The following NPHP4 variants were observed in gnomAD, a reference collection of about 807,000 sequenced individuals.
The protein encoded by NPHP4 is nephrocystin 4.
Under a neutral mutation model 155.8 loss-of-function variants are expected in NPHP4, and 151 were observed. The observed-to-expected ratio is 0.97, with a 90% CI of 0.85 to 1.11. NPHP4 has a LOEUF of 1.11. NPHP4 is among the 50% of genes least tolerant of loss of function. The probability of loss-of-function intolerance (pLI) is 0.00; values close to 1 mark genes in which losing one functional copy is unlikely to be tolerated. For synonymous variants in NPHP4, 845 were observed against 816.8 expected, an observed-to-expected ratio of 1.03 and a Z score of -0.59; for missense variants, 1,956 against 1,925.7, an observed-to-expected ratio of 1.02 and a Z score of -0.29.
intron 3 of NPHP4, among the ~76,000 whole-genome samples, chr1:5,970,001 C>T (rs1652272632): frequency 6.6e-6 from 1 of 152,148 alleles, no homozygotes; most frequent in African/African-American, 2.4e-5. Context: ...AGGTTTTCCA[C>T]TCACACCTTC....
At position 5,967,194 on chromosome 1, in the gene NPHP4, A is replaced by AT. The variant is rs1651679492; in HGVS notation, c.517+104dup. 4.5e-5 allele frequency: 39 copies of AT among 867,754 alleles called. No homozygotes were observed. In the South Asian group the frequency reaches 5.6e-4, roughly 13 times the overall value. The allele number at this position is 867,754 out of a possible 1,614,324, so 53.8% of individuals were successfully genotyped here. On this transcript the variant is annotated intron_variant, in intron 5 of 29. Coordinates refer to ENST00000378156, the MANE Select transcript of NPHP4 (RefSeq NM_015102.5). Reference sequence around the variant, plus strand: ...CCTCTTAGATAAATTAGCTAAGCAGATAGCAGTTTACACTGAGAAAGATCC... The same window carrying AT: ...CCTCTTAGATAAATTAGCTAAGCAGATTAGCAGTTTACACTGAGAAAGATCC...
At chr1:5,900,172 C>T (rs1644599452) in intron 16 of NPHP4, among the ~76,000 whole-genome samples, 1 of 152,222 alleles carries the variant, frequency 6.6e-6, no homozygotes, top group African/African-American at 2.4e-5. Flanking sequence ...CAAAACTAAA[C>T]ATACTCTTAC....
In NPHP4 at chr1:5,867,735, C is replaced by T. The variant is rs1402845865; in HGVS notation, c.3472+5G>A. 1 of 1,608,566 alleles carries T rather than the reference C, an allele frequency of 6.2e-7. No homozygotes were observed. The highest frequency in any genetic ancestry group is 1.3e-5 in the African/African-American group (1 of 74,928). On this transcript the variant is annotated splice_donor_5th_base_variant and intron_variant, in intron 24 of 29. Transcript: ENST00000378156. The surrounding 1 kb of genome is among the most constrained non-coding windows in gnomAD (Gnocchi z 4.1). ...TGTGGGCTGCAGGGTCAGTGCAGGA[C>T]CTGCCTGGAAATGTGTGCCAGGGCG... is the stretch of plus-strand genomic sequence containing the variant.
intron 4 of NPHP4, among the ~76,000 whole-genome samples, 166 bp from the exon 5 acceptor site, chr1:5,967,529 A>G (rs1322985684): frequency 2.0e-5 from 3 of 152,234 alleles, no homozygotes; most frequent in Admixed American, 1.3e-4. Flanking sequence ...CAGCTCCCCA[A>G]GCCGTTGGTG....
intron 1 of NPHP4, among the ~76,000 whole-genome samples, chr1:5,987,460 G>A (rs1449558416): frequency 1.3e-5 from 2 of 152,050 alleles, no homozygotes; most frequent in Non-Finnish European, 2.9e-5. Context: ...TCACCATGGT[G>A]GCATGGTGGG....
chr1:5,983,482 G>A (rs1360172610), intron 2 of NPHP4, among the ~76,000 whole-genome samples: 1 of 152,182 alleles, frequency 6.6e-6, no homozygotes, highest in African/African-American at 2.4e-5. Context: ...CACGTGTGTT[G>A]TTACAATTCA....
At chr1:5,922,400 ATT>A in intron 11 of NPHP4, among the ~76,000 whole-genome samples, 1 of 152,308 alleles carries the variant, frequency 6.6e-6, no homozygotes, top group East Asian at 1.9e-4. Context: ...CACACTTTAT[ATT>A]TTGTCCCATT....
intron 4 of NPHP4, 83 bp downstream of exon 4, chr1:5,969,004 T>C (rs1652048997): frequency 3.2e-6 from 3 of 950,496 alleles, no homozygotes; most frequent in Admixed American, 2.4e-5. Flanking sequence ...TCTAGCCTGG[T>C]TGACAGAGTG....
intron 6 of NPHP4, among the ~76,000 whole-genome samples, chr1:5,959,075 C>CTA (rs1649817284): frequency 6.6e-6 from 1 of 151,952 alleles, no homozygotes; most frequent in African/African-American, 2.4e-5. Flanking sequence ...GCTGAGATAC[C>CTA]TATCCTTTCT....
In NPHP4 at chr1:5,875,671, G is replaced by A. The variant is rs747150292; in HGVS notation, c.2818-571C>T. 2.5e-4 allele frequency among the ~76,000 whole-genome samples: 38 copies of A among 152,252 alleles called. 1 individual carries two copies. Among genetic ancestry groups the A allele is most frequent in the Non-Finnish European group, 4.1e-4 (28 of 68,048 alleles). On this transcript the variant is annotated intron_variant, in intron 20 of 29. Transcript: ENST00000378156. The stretch of plus-strand genomic sequence containing the variant: ...CCAGCACACATGGGTTCTACAGGTT[G>A]GAGACTGGCCTGTTTTTCCTGTGGG...
At chr1:5,952,415 A>G (rs1648283768) in intron 7 of NPHP4, among the ~76,000 whole-genome samples, 1 of 152,218 alleles carries the variant, frequency 6.6e-6, no homozygotes. Context: ...AGTTAAAACA[A>G]CTGGAGGCTC....
Position 5,986,153 on chromosome 1 carries a change from ACCTG to A in NPHP4, c.133_135+1del, listed in dbSNP as rs1655449889. The stretch of plus-strand genomic sequence containing the variant: ...GCATTTGCTAACAGCACATTTTGTT[ACCTG>A]CCTAATTACCGGTCCGTCCAGCCAC... On this transcript the variant is annotated splice_donor_variant and coding_sequence_variant, in exon 2 of 30. Transcript: ENST00000378156. LOFTEE classifies it high-confidence loss of function. 1 of 1,613,828 alleles carries A rather than the reference ACCTG, an allele frequency of 6.2e-7. No homozygotes were observed. Among genetic ancestry groups the A allele is most frequent in the African/African-American group, 1.3e-5 (1 of 75,028 alleles).
intron 17 of NPHP4, chr1:5,888,462 G>C (rs1279035862): frequency 8.3e-7 from 1 of 1,199,378 alleles, no homozygotes; most frequent in African/African-American, 1.6e-5. Flanking sequence ...CGCCAGACCT[G>C]ACCCTTCCCT....
At chr1:5,908,574 G>T (rs1445078562) in intron 12 of NPHP4, among the ~76,000 whole-genome samples, 1 of 152,204 alleles carries the variant, frequency 6.6e-6, no homozygotes, top group Non-Finnish European at 1.5e-5. Flanking sequence ...AGCCAAGCAG[G>T]AGCTCAGCTC....
In NPHP4 at chr1:5,978,410, C is replaced by T. The variant is rs1288396418; in HGVS notation, c.139G>A (p.Val47Met). Residue 47 changes from valine (V) to methionine (M), a missense_variant, in exon 3 of 30, where the codon GTG becomes ATG. By Grantham distance (21) the Val-to-Met change is conservative (BLOSUM62 1). Coordinates refer to ENST00000378156, the MANE Select transcript of NPHP4 (RefSeq NM_015102.5). ...WLDGPVIRQG[V>M]LEVLSEVECH... ...TCAACCTCTGACAGTACCTCCAGCACGCCCTAGGAGACAACGGGGAATTGA... is the reference window on the plus strand; with the variant it reads ...TCAACCTCTGACAGTACCTCCAGCATGCCCTAGGAGACAACGGGGAATTGA... The T allele has an allele frequency of 8.7e-6, 14 of 1,601,776 alleles. No homozygotes were observed. Among genetic ancestry groups the T allele is most frequent in the South Asian group, 5.6e-5 (5 of 89,104 alleles).
At chr1:5,971,115 A>G (rs935064287) in intron 3 of NPHP4, among the ~76,000 whole-genome samples, 5 of 152,338 alleles carry the variant, frequency 3.3e-5, no homozygotes, top group South Asian at 2.1e-4. Flanking sequence ...CAGCAACAAC[A>G]ATCTGCCAGC....
At position 5,889,579 on chromosome 1, in the gene NPHP4, G is replaced by A. The variant is rs72856195; in HGVS notation, c.2304+1289C>T. On this transcript the variant is annotated intron_variant, in intron 17 of 29. Transcript: ENST00000378156. The surrounding 1 kb of genome is among the most constrained non-coding windows in gnomAD (Gnocchi z 4.2). Reference sequence around the variant, plus strand: ...GGGGAGCCACTGCCACCCCACACATGCCCAGCGGGACCCGGCTCTGCCTCC... The same window carrying A: ...GGGGAGCCACTGCCACCCCACACATACCCAGCGGGACCCGGCTCTGCCTCC... Among the ~76,000 whole-genome samples the A allele has an allele frequency of 6.6e-6, 1 of 152,254 alleles. No homozygotes were observed. Among genetic ancestry groups the A allele is most frequent in the African/African-American group, 2.4e-5 (1 of 41,540 alleles).
intron 19 of NPHP4, 129 bp downstream of exon 19, chr1:5,879,985 G>T: frequency 9.0e-7 from 1 of 1,116,398 alleles, no homozygotes; most frequent in Non-Finnish European, 1.3e-6. Flanking sequence ...GAGGGGCACT[G>T]ACAGCACCAC....
chr1:5,898,443 CCT>C (rs1443966630), intron 16 of NPHP4, among the ~76,000 whole-genome samples: 1 of 152,226 alleles, frequency 6.6e-6, no homozygotes, highest in African/African-American at 2.4e-5. Flanking sequence ...CTCCTTGGCT[CCT>C]CCAGGCTCAC....
Sources: allele counts gnomAD v4.1 joint callset (sites outside exome capture counted in the v4.1 genomes callset), GRCh38; gene constraint gnomAD v4.1.1; non-coding constraint Gnocchi (gnomAD v3.1); transcripts MANE v1.5; gene names NCBI Gene and HGNC (gene_info 2026-07-23, HGNC 2026-07-21).